The following NEK1 variants were observed in gnomAD, a reference collection of about 807,000 sequenced individuals.
NEK1 encodes serine/threonine-protein kinase Nek1.
NEK1 carries 137 observed loss-of-function variants against 182.1 expected under a neutral mutation model. The observed-to-expected ratio is 0.75, with a 90% confidence interval of 0.65 to 0.87. The LOEUF is 0.87. NEK1 is among the 40% of genes least tolerant of loss of function. NEK1 has a pLI of 0.00. For missense variants in NEK1, 1,391 were observed against 1,494.4 expected, an observed-to-expected ratio of 0.93 and a Z score of 1.14; for synonymous variants, 513 against 492.2, an observed-to-expected ratio of 1.04 and a Z score of -0.56.
At chr4:169,512,740 G>A (rs1459754576) in intron 19 of NEK1, among the ~76,000 whole-genome samples, 1 of 151,966 alleles carries the variant, frequency 6.6e-6, no homozygotes, top group African/African-American at 2.4e-5. Context: ...AGTTTCATAT[G>A]AAAGCCCATG....
In NEK1 at chr4:169,555,808, C is replaced by T; in HGVS notation, c.1474G>A (p.Ala492Thr). Reference protein sequence around the residue: ...GVRPGFPYGAAGHHHFPDADD... With the variant: ...GVRPGFPYGATGHHHFPDADD... The stretch of plus-strand genomic sequence containing the variant: ...GCATCAGGAAAATGGTGATGACCTG[C>T]AGCCCCATAAGGAAATCCTGGACGA... Residue 492 changes from alanine to threonine, a missense_variant, in exon 18 of 36, where the codon GCA (alanine) becomes ACA (threonine). By Grantham distance (58) the Ala-to-Thr change is moderately conservative. Around this residue, in one of 5 missense-constraint regions of NEK1, gnomAD observed 1,216 missense variants for 1,277.6 expected, o/e 0.95. Transcript: ENST00000507142. The T allele has an allele frequency of 6.2e-7, 1 of 1,613,896 alleles. No homozygotes were observed.
At chr4:169,436,487 C>A (rs1738438184) in intron 28 of NEK1, among the ~76,000 whole-genome samples, 1 of 152,168 alleles carries the variant, frequency 6.6e-6, no homozygotes, top group Non-Finnish European at 1.5e-5. Flanking sequence ...AGTAACTGTA[C>A]TTTATGGATC....
At chr4:169,487,154 ATTT>A (rs377512093) in intron 23 of NEK1, among the ~76,000 whole-genome samples, 1 of 151,670 alleles carries the variant, frequency 6.6e-6, no homozygotes, top group Non-Finnish European at 1.5e-5. Flanking sequence ...TAAGGCAGTG[ATTT>A]TTTTTTCCTT....
chr4:169,541,865 C>T (rs1759479735), intron 18 of NEK1, among the ~76,000 whole-genome samples: 1 of 152,068 alleles, frequency 6.6e-6, no homozygotes, highest in African/African-American at 2.4e-5. Context: ...TTCATTAAAC[C>T]CCACGATGAT....
chr4:169,534,179 G>C (rs529126815), intron 19 of NEK1, among the ~76,000 whole-genome samples: 2 of 152,244 alleles, frequency 1.3e-5, no homozygotes, highest in South Asian at 4.1e-4. Flanking sequence ...TGAAGTAACA[G>C]ATCTACCCTC....
At chr4:169,462,179 A>G (rs1744091258) in intron 27 of NEK1, among the ~76,000 whole-genome samples, 1 of 152,012 alleles carries the variant, frequency 6.6e-6, no homozygotes, top group Admixed American at 6.6e-5. Context: ...ATTTTTTTCC[A>G]GAGAGTTTTG....
At chr4:169,528,143 C>T (rs929905036) in intron 19 of NEK1, among the ~76,000 whole-genome samples, 1 of 152,154 alleles carries the variant, frequency 6.6e-6, no homozygotes, top group Non-Finnish European at 1.5e-5. Flanking sequence ...ATTGTAAAAT[C>T]CCCTCCTGAG....
intron 6 of NEK1, among the ~76,000 whole-genome samples, chr4:169,590,321 TAGAC>T (rs11270666): frequency 0.016 from 2,353 of 151,036 alleles, 57 homozygotes; most frequent in African/African-American, 0.05. Flanking sequence ...AAACAATAGA[TAGAC>T]AGACAGACAG....
chr4:169,537,496 A>T (rs183267791), intron 19 of NEK1, among the ~76,000 whole-genome samples: 1 of 151,402 alleles, frequency 6.6e-6, no homozygotes, highest in East Asian at 1.9e-4. Flanking sequence ...GCAATCCAAG[A>T]ACTTATTTCT....
rs376876304 is a variant in NEK1, at chr4:169,561,904, A to G, written c.1081-13T>C. ...TTCTTGCTGCTTCCTTAAATAAAAA[A>G]AAGAACATTTTAATCCATAATAATT... is the stretch of plus-strand genomic sequence containing the variant. On this transcript the variant is annotated splice_polypyrimidine_tract_variant and intron_variant, in intron 13 of 35. Coordinates refer to ENST00000507142, the MANE Select transcript of NEK1 (RefSeq NM_001199397.3). The G allele has an allele frequency of 4.4e-6, 7 of 1,591,394 alleles. No individual in the cohort carries two copies. In the African/African-American group the frequency reaches 9.5e-5, roughly 22 times the overall value.
chr4:169,522,285 A>G (rs1052064858), intron 19 of NEK1, among the ~76,000 whole-genome samples: 2 of 152,284 alleles, frequency 1.3e-5, no homozygotes, highest in Non-Finnish European at 2.9e-5. Context: ...ATAATTTAAG[A>G]TAATTGATTG....
At chr4:169,497,148 G>A (rs200862719) in intron 23 of NEK1, among the ~76,000 whole-genome samples, 28,646 of 151,132 alleles carry the variant, frequency 0.19, 3,848 homozygotes, top group African/African-American at 0.4. Flanking sequence ...TGTATGTGTC[G>A]AGGAATTTAT....
intron 12 of NEK1, among the ~76,000 whole-genome samples, chr4:169,569,522 CA>C (rs1191790262): frequency 1.4e-5 from 2 of 147,726 alleles, no homozygotes; most frequent in African/African-American, 5.0e-5. Flanking sequence ...TCTCTTTCCA[CA>C]GTCTCCCTCT....
chr4:169,563,970 C>A (rs1763318236), intron 12 of NEK1, among the ~76,000 whole-genome samples: 1 of 151,920 alleles, frequency 6.6e-6, no homozygotes, highest in South Asian at 2.1e-4. Context: ...GATAAAATGC[C>A]TGATTTTCCC....
At chr4:169,418,811 G>A (rs900715182) in intron 31 of NEK1, among the ~76,000 whole-genome samples, 1 of 151,988 alleles carries the variant, frequency 6.6e-6, no homozygotes, top group Non-Finnish European at 1.5e-5. Flanking sequence ...AGTAGAGAGA[G>A]AGAAAAAATA....
chr4:169,498,545 G>A (rs1751802503), intron 23 of NEK1, among the ~76,000 whole-genome samples: 1 of 152,194 alleles, frequency 6.6e-6, no homozygotes, highest in African/African-American at 2.4e-5. Flanking sequence ...GCTGGTACTG[G>A]TTGTTCCTTT....
chr4:169,408,941 G>A (rs185301715), intron 31 of NEK1, among the ~76,000 whole-genome samples: 3 of 152,230 alleles, frequency 2.0e-5, no homozygotes, highest in East Asian at 3.9e-4. Flanking sequence ...ATGGGTGTGT[G>A]TGTGTCTTTT....
In NEK1 at chr4:169,550,344, T is replaced by A. The variant is rs537098630; in HGVS notation, c.1562+5376A>T. 2.6e-5 allele frequency among the ~76,000 whole-genome samples: 4 copies of A among 152,332 alleles called. No homozygotes were observed. The East Asian group carries it at 7.7e-4, about 29-fold the overall frequency. On this transcript the variant is annotated intron_variant, in intron 18 of 35. Transcript: ENST00000507142. Reference sequence around the variant, plus strand: ...CATTAGACCTCTTTTTCTTTATAAATTACCCAGTCTCGGGTATGACTTTGT... The same window carrying A: ...CATTAGACCTCTTTTTCTTTATAAAATACCCAGTCTCGGGTATGACTTTGT...
At chr4:169,567,053 G>A (rs550803151) in intron 12 of NEK1, among the ~76,000 whole-genome samples, 1 of 151,634 alleles carries the variant, frequency 6.6e-6, no homozygotes, top group East Asian at 1.9e-4. Flanking sequence ...TTGCACCACT[G>A]CACTATGGCT....
Sources: gnomAD v4.1 joint callset for allele counts (sites outside exome capture counted in the v4.1 genomes callset) on GRCh38, gnomAD v4.1.1 for gene constraint, gnomAD v4.1.1 regional missense constraint, MANE v1.5 for transcripts, NCBI Gene and HGNC (gene_info 2026-07-23, HGNC 2026-07-21) for gene names.